The following CHL1 variants were observed in gnomAD, a reference collection of about 807,000 sequenced individuals.
CHL1 encodes the protein cell adhesion molecule L1 like, also known as neural cell adhesion molecule L1-like protein.
A neutral mutation model predicts 141.9 loss-of-function variants in CHL1; 96 were observed. The observed-to-expected ratio is 0.68, with a 90% CI of 0.57 to 0.80. CHL1 has a LOEUF of 0.80. Ranked by LOEUF, CHL1 falls within the 30% of genes least tolerant of loss-of-function variation. The pLI, the probability that CHL1 is intolerant of heterozygous loss-of-function variation, is 0.00. For synonymous variants in CHL1, 613 were observed against 502.2 expected, an observed-to-expected ratio of 1.22 and a Z score of -2.95; for missense variants, 1,820 against 1,457.2, an observed-to-expected ratio of 1.25 and a Z score of -4.05.
At chr3:247,250 G>A (rs1006360345) in intron 2 of CHL1, 1 of 151,738 alleles carries the variant, frequency 6.6e-6, no homozygotes, top group Non-Finnish European at 1.5e-5. Context: ...ACCCTGAGGA[G>A]GACACGATTA....
intron 11 of CHL1, among the ~76,000 whole-genome samples, chr3:359,322 A>T (rs2117043): frequency 0.89 from 135,768 of 151,754 alleles, 62,721 homozygotes; most frequent in East Asian, 1. Context: ...CTTCACTTTT[A>T]TTTTAAAGTC....
chr3:361,645 G>T, intron 12 of CHL1, 54 bp from the exon 13 acceptor site: 2 of 1,206,830 alleles, frequency 1.7e-6, no homozygotes, highest in East Asian at 2.3e-5. Flanking sequence ...AATTTAATTT[G>T]CATATCTTTC....
intron 2 of CHL1, among the ~76,000 whole-genome samples, chr3:316,576 C>T (rs2125017636): frequency 6.6e-6 from 1 of 151,926 alleles, no homozygotes; most frequent in South Asian, 2.1e-4. Context: ...GAGTTGATAT[C>T]ATTAATATAA....
intron 2 of CHL1, among the ~76,000 whole-genome samples, chr3:284,086 C>T (rs1696904033): frequency 1.3e-5 from 2 of 152,146 alleles, no homozygotes; most frequent in South Asian, 2.1e-4. Flanking sequence ...GGGATACATT[C>T]GTGAAATGTA....
At chr3:214,113 T>C (rs183269084) in intron 1 of CHL1, among the ~76,000 whole-genome samples, 7 of 152,316 alleles carry the variant, frequency 4.6e-5, no homozygotes, top group Admixed American at 2.0e-4. Flanking sequence ...AGTATCATCA[T>C]AGGGCTCTTT....
At chr3:323,694 C>T (rs1396802159) in intron 3 of CHL1, among the ~76,000 whole-genome samples, 1 of 152,026 alleles carries the variant, frequency 6.6e-6, no homozygotes, top group East Asian at 1.9e-4. Flanking sequence ...AATGCAGAAG[C>T]AGATAAAAGA....
rs939542740 is a variant in CHL1 at position 293,019 on chromosome 3, A to G, written c.-94-26664A>G. Among the ~76,000 whole-genome samples, 8 of 152,244 alleles carry G rather than the reference A, an allele frequency of 5.3e-5. No homozygotes were observed. The South Asian group carries it at 1.7e-3, about 32-fold the overall frequency. ...TTATTGATTTGTATTAAGCCAACACATGGGTTTACCCAGTAACTCATGATT... is the reference window on the plus strand; with the variant it reads ...TTATTGATTTGTATTAAGCCAACACGTGGGTTTACCCAGTAACTCATGATT... On this transcript the variant is annotated intron_variant, in intron 2 of 27. Coordinates refer to ENST00000256509, the MANE Select transcript of CHL1 (RefSeq NM_006614.4).
chr3:366,121 T>C lies in CHL1; in HGVS notation c.1751+6T>C. On this transcript the variant is annotated splice_donor_region_variant and intron_variant, in intron 15 of 27. Transcript: ENST00000256509. ...AATGGCACAGAAGATGGCAGGTAGG[T>C]AAACTATTATGATATGTCATAATAT... is the stretch of plus-strand genomic sequence containing the variant. 6.2e-7 allele frequency: 1 copy of C among 1,611,992 alleles called. No homozygotes were observed. Among genetic ancestry groups the C allele is most frequent in the East Asian group, 2.2e-5 (1 of 44,850 alleles).
intron 2 of CHL1, among the ~76,000 whole-genome samples, chr3:276,644 C>T (rs1220047417): frequency 1.3e-5 from 2 of 151,908 alleles, no homozygotes; most frequent in African/African-American, 2.4e-5. Context: ...AATCCCAGCA[C>T]TTTGGGAGGC....
intron 2 of CHL1, among the ~76,000 whole-genome samples, chr3:256,940 C>T (rs558604344): frequency 2.4e-4 from 36 of 152,256 alleles, no homozygotes; most frequent in Non-Finnish European, 4.1e-4. Context: ...TCTGTGGTTG[C>T]CTTTCCATGG....
chr3:397,275 A>G (rs535489988), intron 24 of CHL1, among the ~76,000 whole-genome samples: 1 of 152,226 alleles, frequency 6.6e-6, no homozygotes, highest in African/African-American at 2.4e-5. Context: ...CTTTGCTCAT[A>G]TAATTGGCCT....
At chr3:326,909 C>A (rs1382382240) in intron 4 of CHL1, among the ~76,000 whole-genome samples, 1 of 151,702 alleles carries the variant, frequency 6.6e-6, no homozygotes. Context: ...GACCCATTAA[C>A]ATGCTAAATT....
intron 2 of CHL1, among the ~76,000 whole-genome samples, chr3:259,325 T>C (rs1694487619): frequency 6.7e-6 from 1 of 149,572 alleles, no homozygotes; most frequent in Non-Finnish European, 1.5e-5. Context: ...TGTGCATGCG[T>C]GTGTGTGTGT....
chr3:278,631 C>G (rs753352366), intron 2 of CHL1, among the ~76,000 whole-genome samples: 3 of 152,032 alleles, frequency 2.0e-5, no homozygotes, highest in Admixed American at 6.5e-5. Context: ...TTTGCTTATC[C>G]GTAAAAAGGA....
intron 11 of CHL1, among the ~76,000 whole-genome samples, chr3:357,921 A>G (rs576199393): frequency 1.3e-5 from 2 of 152,284 alleles, no homozygotes; most frequent in South Asian, 4.1e-4. Flanking sequence ...GGGGTGTGGA[A>G]GTGAAGAGTG....
intron 1 of CHL1, among the ~76,000 whole-genome samples, chr3:228,485 ACAC>A (rs1701573351): frequency 1.3e-5 from 2 of 152,070 alleles, no homozygotes; most frequent in African/African-American, 2.4e-5. Flanking sequence ...GTGTACACAC[ACAC>A]ACACACACAC....
intron 2 of CHL1, among the ~76,000 whole-genome samples, chr3:257,361 T>A (rs1694269110): frequency 6.7e-6 from 1 of 150,340 alleles, no homozygotes; most frequent in Admixed American, 6.6e-5. Flanking sequence ...TTCTTTTTTT[T>A]TTTTTTTTGT....
chr3:319,823 T>A lies in CHL1; in HGVS notation c.47T>A (p.Phe16Tyr). Residue 16 changes from phenylalanine (F) to tyrosine (Y), a missense_variant, in exon 3 of 28, where the codon TTC becomes TAC. By Grantham distance (22) the Phe-to-Tyr change is conservative (BLOSUM62 3). Coordinates refer to ENST00000256509, the MANE Select transcript of CHL1 (RefSeq NM_006614.4). ...LGRGLIVYLM[F>Y]LLLKFSKAIE... ...AGAGGACTAATCGTATATCTAATGT[T>A]CCTCCTGTTAAAATTCTCAAAAGCA... 6.2e-7 allele frequency: 1 copy of A among 1,609,480 alleles called. No individual in the cohort carries two copies. Among genetic ancestry groups the A allele is most frequent in the Non-Finnish European group, 8.5e-7 (1 of 1,177,202 alleles).
chr3:222,464 A>G (rs1700930943), intron 1 of CHL1, among the ~76,000 whole-genome samples: 1 of 152,196 alleles, frequency 6.6e-6, no homozygotes, highest in Admixed American at 6.5e-5. Flanking sequence ...TTACCTAATT[A>G]CCCAATCAAA....
Sources: gnomAD v4.1 joint callset for allele counts (sites outside exome capture counted in the v4.1 genomes callset) on GRCh38, gnomAD v4.1.1 for gene constraint, MANE v1.5 for transcripts, NCBI Gene and HGNC (gene_info 2026-07-23, HGNC 2026-07-21) for gene names.